The following GAP43 variants were observed in gnomAD, a reference collection of about 807,000 sequenced individuals.
GAP43 encodes growth associated protein 43.
Under a neutral mutation model 18.6 loss-of-function variants are expected in GAP43, and 6 were observed. The ratio of observed to expected loss-of-function variants is 0.32; its 90% CI spans 0.18 to 0.64. The LOEUF is 0.64. Ranked by LOEUF, GAP43 falls within the 30% of genes least tolerant of loss-of-function variation. GAP43 has a pLI of 0.78. For missense variants in GAP43, 292 were observed against 295.5 expected, an observed-to-expected ratio of 0.99 and a Z score of 0.09; for synonymous variants, 115 against 111.4, an observed-to-expected ratio of 1.03 and a Z score of -0.20.
intron 2 of GAP43, among the ~76,000 whole-genome samples, chr3:115,681,610 A>G (rs947177320): frequency 2.6e-5 from 4 of 152,174 alleles, no homozygotes; most frequent in African/African-American, 9.7e-5. Context: ...TCTGGACCTC[A>G]TTCATCTCAT....
intron 1 of GAP43, among the ~76,000 whole-genome samples, chr3:115,657,363 G>C (rs62264815): frequency 0.03 from 4,504 of 152,282 alleles, 103 homozygotes; most frequent in Middle Eastern, 0.058. Context: ...ACTACCCATA[G>C]TTACCACCAG....
At chr3:115,663,743 G>C in intron 1 of GAP43, 6 of 1,550,674 alleles carry the variant, frequency 3.9e-6, no homozygotes, top group Non-Finnish European at 4.4e-6. Flanking sequence ...TAGTCTTTTA[G>C]ACAGTGAACT....
intron 2 of GAP43, among the ~76,000 whole-genome samples, chr3:115,683,130 C>CAT (rs1708978311): frequency 9.3e-6 from 1 of 107,888 alleles, no homozygotes; most frequent in East Asian, 3.0e-4. Flanking sequence ...CATGTGCGCG[C>CAT]GCGTGCGCGC....
intron 1 of GAP43, among the ~76,000 whole-genome samples, chr3:115,624,071 T>C (rs1708151933): frequency 6.9e-6 from 1 of 144,450 alleles, no homozygotes; most frequent in South Asian, 2.3e-4. Context: ...ACCTACAAGA[T>C]GGGGAGGCAT....
chr3:115,692,029 AG>A (rs1709121950), intron 2 of GAP43, among the ~76,000 whole-genome samples: 1 of 152,198 alleles, frequency 6.6e-6, no homozygotes, highest in Non-Finnish European at 1.5e-5. Context: ...GGGCTTCAGG[AG>A]GGTTCTTTCA....
chr3:115,715,035 C>T (rs1428872987), intron 2 of GAP43, among the ~76,000 whole-genome samples: 1 of 152,110 alleles, frequency 6.6e-6, no homozygotes, highest in African/African-American at 2.4e-5. Context: ...CTAGCTAGTT[C>T]TCTGTTGTGT....
intron 1 of GAP43, among the ~76,000 whole-genome samples, chr3:115,651,633 C>T (rs969888335): frequency 6.6e-6 from 1 of 152,066 alleles, no homozygotes; most frequent in Non-Finnish European, 1.5e-5. Context: ...TCTCTATTTC[C>T]TTTTTCTGAT....
At chr3:115,627,751 C>A (rs1708208479) in intron 1 of GAP43, among the ~76,000 whole-genome samples, 1 of 152,150 alleles carries the variant, frequency 6.6e-6, no homozygotes, top group African/African-American at 2.4e-5. Flanking sequence ...GGCAACCAAG[C>A]AGTGGCTGTT....
In GAP43 at chr3:115,663,809, C is replaced by T. The variant is rs183673207; in HGVS notation, c.31-12204C>T. The T allele has an allele frequency of 1.3e-5, 20 of 1,551,780 alleles. No homozygotes were observed. Among genetic ancestry groups the T allele is most frequent in the South Asian group, 4.8e-5 (4 of 84,066 alleles). ...AAAGTCCTGCTCTGAATTATGCCAC[C>T]CCGCACTCCACTTTTTACCTTGCCT... On this transcript the variant is annotated intron_variant, in intron 1 of 2. Coordinates refer to ENST00000305124, the MANE Select transcript of GAP43 (RefSeq NM_002045.4).
chr3:115,656,432 C>T (rs529397597), intron 1 of GAP43, among the ~76,000 whole-genome samples: 2 of 152,148 alleles, frequency 1.3e-5, no homozygotes, highest in African/African-American at 4.8e-5. Context: ...GCTCTTTATA[C>T]TAGGCTCCCT....
intron 1 of GAP43, among the ~76,000 whole-genome samples, chr3:115,660,686 G>A (rs938164820): frequency 1.3e-5 from 2 of 152,200 alleles, no homozygotes; most frequent in African/African-American, 4.8e-5. Context: ...AGTGTTGTGG[G>A]CCAGTATATT....
chr3:115,675,525 G>T (rs1382141324), intron 1 of GAP43, among the ~76,000 whole-genome samples: 1 of 152,120 alleles, frequency 6.6e-6, no homozygotes, highest in Non-Finnish European at 1.5e-5. Flanking sequence ...ACTTTGGGAG[G>T]TGGAGGTGGG....
intron 1 of GAP43, among the ~76,000 whole-genome samples, chr3:115,671,394 G>A (rs1467081414): frequency 6.6e-6 from 1 of 152,206 alleles, no homozygotes; most frequent in Non-Finnish European, 1.5e-5. Context: ...GTGTCAACAA[G>A]TTAGTGTAAT....
intron 2 of GAP43, among the ~76,000 whole-genome samples, chr3:115,697,994 T>C (rs929368308): frequency 9.8e-5 from 12 of 122,848 alleles, no homozygotes; most frequent in Admixed American, 4.8e-4. Flanking sequence ...CGTGTGTGTG[T>C]GTGTGTGTGT....
chr3:115,709,413 A>C (rs536319076), intron 2 of GAP43, among the ~76,000 whole-genome samples: 5 of 152,304 alleles, frequency 3.3e-5, no homozygotes, highest in East Asian at 3.9e-4. Flanking sequence ...CTGAAATCCC[A>C]GCTCAGATTT....
chr3:115,683,153 A>ACG (rs1426865207), intron 2 of GAP43, among the ~76,000 whole-genome samples: 8 of 128,508 alleles, frequency 6.2e-5, no homozygotes, highest in Admixed American at 2.2e-4. Flanking sequence ...GCGCGCACAC[A>ACG]CACACACACA....
chr3:115,670,483 G>A (rs1429061672), intron 1 of GAP43, among the ~76,000 whole-genome samples: 1 of 152,090 alleles, frequency 6.6e-6, no homozygotes, highest in Non-Finnish European at 1.5e-5. Context: ...TAGAACTGGA[G>A]GAGGCTGGCC....
At chr3:115,697,676 G>A (rs1709214228) in intron 2 of GAP43, among the ~76,000 whole-genome samples, 1 of 152,038 alleles carries the variant, frequency 6.6e-6, no homozygotes, top group Admixed American at 6.6e-5. Context: ...CAAAACCACT[G>A]GGAATTCTGC....
Position 115,627,042 on chromosome 3 carries a change from C to CT in GAP43, c.30+3337dup, listed in dbSNP as rs36058685. ...CTTAATATAATTGAAGCTTCTCGTT[C>CT]TTTTTTTTTTTTTTAATAGTGATTT... On this transcript the variant is annotated intron_variant, in intron 1 of 2. Transcript: ENST00000305124. 9.1e-3 allele frequency among the ~76,000 whole-genome samples: 1,173 copies of CT among 129,164 alleles called. 12 individuals carry two copies. The highest frequency in any genetic ancestry group is 9.5e-3 in the Non-Finnish European group (567 of 59,774). 84.7% of individuals were successfully genotyped at this position (129,164 alleles called of 152,430 possible).
Sources: gnomAD v4.1 joint callset for allele counts (sites outside exome capture counted in the v4.1 genomes callset) on GRCh38, gnomAD v4.1.1 for gene constraint, MANE v1.5 for transcripts, NCBI Gene and HGNC (gene_info 2026-07-23, HGNC 2026-07-21) for gene names.